EDIL3: variants seen among roughly 807,000 people sequenced by gnomAD.
EDIL3 encodes the protein EGF like and discoidin domains 3, also known as EGF-like repeat and discoidin I-like domain-containing protein 3.
A neutral mutation model predicts 67.4 loss-of-function variants in EDIL3; 37 were observed. The observed-to-expected ratio is 0.55, with a 90% CI of 0.42 to 0.72. The LOEUF is 0.72. Ranked by LOEUF, EDIL3 falls within the 30% of genes least tolerant of loss-of-function variation. The pLI, the probability that EDIL3 is intolerant of heterozygous loss-of-function variation, is 0.00. For synonymous variants in EDIL3, 195 were observed against 196.3 expected, an observed-to-expected ratio of 0.99 and a Z score of 0.05; for missense variants, 527 against 586.3, an observed-to-expected ratio of 0.90 and a Z score of 1.04.
chr5:84,141,926 C>G (rs199961058), intron 4 of EDIL3, among the ~76,000 whole-genome samples: 33 of 124,916 alleles, frequency 2.6e-4, no homozygotes, highest in African/African-American at 1.0e-3. Flanking sequence ...TATATATACA[C>G]ATATATATAT....
chr5:84,074,204 G>A (rs1311776447), intron 6 of EDIL3, among the ~76,000 whole-genome samples: 6 of 145,212 alleles, frequency 4.1e-5, no homozygotes, highest in African/African-American at 1.6e-4. Flanking sequence ...AATTCAAGAC[G>A]GATTAAAGAC....
chr5:84,053,634 T>C (rs1314278881), intron 9 of EDIL3, among the ~76,000 whole-genome samples: 1 of 151,858 alleles, frequency 6.6e-6, no homozygotes, highest in Non-Finnish European at 1.5e-5. Flanking sequence ...ATATCACCAC[T>C]GATCCCACAG....
intron 1 of EDIL3, among the ~76,000 whole-genome samples, chr5:84,354,276 G>GGTGAC (rs1398353588): frequency 6.6e-6 from 1 of 152,068 alleles, no homozygotes; most frequent in African/African-American, 2.4e-5. Flanking sequence ...CCCTCTCTAT[G>GGTGAC]GTGACAATGT....
chr5:84,019,089 T>C (rs1371535625), intron 9 of EDIL3, among the ~76,000 whole-genome samples: 1 of 152,188 alleles, frequency 6.6e-6, no homozygotes, highest in Non-Finnish European at 1.5e-5. Flanking sequence ...TAAAGACACA[T>C]GCACACATAT....
chr5:84,245,536 A>T (rs1561233403), intron 2 of EDIL3, among the ~76,000 whole-genome samples: 1 of 152,316 alleles, frequency 6.6e-6, no homozygotes, highest in South Asian at 2.1e-4. Flanking sequence ...AAAGGAAATA[A>T]CAATAGGTAT....
intron 1 of EDIL3, among the ~76,000 whole-genome samples, chr5:84,291,354 C>T (rs570272956): frequency 6.6e-6 from 1 of 152,034 alleles, no homozygotes; most frequent in East Asian, 1.9e-4. Context: ...ATAAAGAACA[C>T]TTGAATCAGG....
intron 1 of EDIL3, among the ~76,000 whole-genome samples, chr5:84,298,550 T>G (rs1432883028): frequency 2.0e-5 from 3 of 152,064 alleles, no homozygotes; most frequent in Non-Finnish European, 4.4e-5. Context: ...GGTTGATAGG[T>G]GCAGTAAACC....
chr5:84,003,877 G>A lies in EDIL3; in HGVS notation c.1138-40517C>T, dbSNP rs558086424. 5.9e-5 allele frequency among the ~76,000 whole-genome samples: 9 copies of A among 151,974 alleles called. No individual in the cohort carries two copies. The East Asian group carries it at 1.7e-3, about 29-fold the overall frequency. ...TGTCCCATGTCAAAGGCACAGAATG[G>A]CAAGTTGGATAAAGGCGAGGACCCA... On this transcript the variant is annotated intron_variant, in intron 9 of 10. Coordinates refer to ENST00000296591, the MANE Select transcript of EDIL3 (RefSeq NM_005711.5).
chr5:84,333,972 T>C (rs1017337727), intron 1 of EDIL3, among the ~76,000 whole-genome samples: 1 of 151,948 alleles, frequency 6.6e-6, no homozygotes, highest in African/African-American at 2.4e-5. Context: ...GTCCAGAAGG[T>C]CAAAAGTAGG....
chr5:84,227,595 A>G (rs941902145), intron 3 of EDIL3, among the ~76,000 whole-genome samples: 1 of 152,156 alleles, frequency 6.6e-6, no homozygotes, highest in African/African-American at 2.4e-5. Flanking sequence ...TCAAAGGAAG[A>G]CAGATCATTA....
At chr5:84,187,387 T>C (rs1178610286) in intron 3 of EDIL3, among the ~76,000 whole-genome samples, 1 of 152,078 alleles carries the variant, frequency 6.6e-6, no homozygotes, top group Non-Finnish European at 1.5e-5. Flanking sequence ...AAATCATGAA[T>C]AACTTATAGT....
intron 1 of EDIL3, among the ~76,000 whole-genome samples, chr5:84,349,949 T>C (rs1268861202): frequency 6.6e-6 from 1 of 152,178 alleles, no homozygotes; most frequent in Non-Finnish European, 1.5e-5. Context: ...TTAATCCTTA[T>C]AACAGCTCTA....
intron 1 of EDIL3, among the ~76,000 whole-genome samples, chr5:84,262,946 T>C (rs1258528681): frequency 2.6e-5 from 4 of 151,928 alleles, no homozygotes; most frequent in Non-Finnish European, 4.4e-5. Context: ...GCTAGGATTA[T>C]AGGCATGAGC....
At chr5:84,034,770 G>A (rs1297769791) in intron 9 of EDIL3, among the ~76,000 whole-genome samples, 1 of 152,096 alleles carries the variant, frequency 6.6e-6, no homozygotes, top group Non-Finnish European at 1.5e-5. Flanking sequence ...AATAAGGATA[G>A]TAAAATGCAG....
At chr5:84,013,986 T>A (rs535944928) in intron 9 of EDIL3, among the ~76,000 whole-genome samples, 186 of 152,290 alleles carry the variant, frequency 1.2e-3, no homozygotes, top group Non-Finnish European at 2.1e-3. Context: ...ACCTTAGATT[T>A]GGTCATCAGC....
intron 9 of EDIL3, among the ~76,000 whole-genome samples, chr5:83,997,419 G>C (rs768270154): frequency 1.3e-5 from 2 of 152,100 alleles, no homozygotes; most frequent in African/African-American, 2.4e-5. Context: ...TGAGTAAAGA[G>C]GGTTAAGAGG....
At chr5:83,960,835 A>C (rs1561386160) in intron 10 of EDIL3, among the ~76,000 whole-genome samples, 1 of 151,022 alleles carries the variant, frequency 6.6e-6, no homozygotes, top group Non-Finnish European at 1.5e-5. Context: ...ATAGGCACTA[A>C]ATAGTAAGAT....
intron 1 of EDIL3, among the ~76,000 whole-genome samples, chr5:84,314,793 A>G (rs1746476649): frequency 6.6e-6 from 1 of 152,232 alleles, no homozygotes; most frequent in Admixed American, 6.5e-5. Flanking sequence ...TGCCTAAGTT[A>G]ATAAATATGT....
At chr5:84,261,045 C>T (rs2112084187) in intron 1 of EDIL3, among the ~76,000 whole-genome samples, 1 of 152,250 alleles carries the variant, frequency 6.6e-6, no homozygotes, top group Non-Finnish European at 1.5e-5. Flanking sequence ...CTATTGCTTT[C>T]TTGTTGAACT....
Sources: allele counts gnomAD v4.1 joint callset (sites outside exome capture counted in the v4.1 genomes callset), GRCh38; gene constraint gnomAD v4.1.1; transcripts MANE v1.5; gene names NCBI Gene and HGNC (gene_info 2026-07-23, HGNC 2026-07-21).